The following ERC1 variants were observed in gnomAD, a reference collection of about 807,000 sequenced individuals.
ERC1 encodes the protein ELKS/RAB6-interacting/CAST family member 1.
In ERC1, 56 loss-of-function variants were observed where a neutral mutation model predicts 132.0. The observed-to-expected ratio is 0.42, with a 90% confidence interval of 0.34 to 0.53. The LOEUF (loss-of-function observed/expected upper bound fraction) is 0.53, where lower values mean the gene tolerates loss of function less well. Ranked by LOEUF, ERC1 falls within the 20% of genes least tolerant of loss-of-function variation. ERC1 has a pLI of 0.03. For missense variants in ERC1, 1,202 were observed against 1,349.9 expected (o/e 0.89, Z 1.72); for synonymous variants, 478 against 476.1 (o/e 1.00, Z -0.05).
chr12:1,451,286 A>G (rs937511611), intron 18 of ERC1, among the ~76,000 whole-genome samples: 13 of 152,064 alleles, frequency 8.5e-5, no homozygotes, highest in Non-Finnish European at 1.3e-4. Flanking sequence ...GTATGTCTGA[A>G]TTTCCATCTG....
rs760594250 is a variant in ERC1 at position 1,141,635 on chromosome 12, T to C, written c.1585T>C (p.Leu529=). The change falls in exon 8 of 19, where the codon TTG becomes CTG. Residue 529 remains leucine, a synonymous_variant. Transcript: ENST00000360905. The part of the protein sequence containing the change: ...ILQTEVDALR[L]RLEEKETMLN... The stretch of plus-strand genomic sequence containing the variant: ...ACATTCTTAGGTGGATGCTCTCCGA[T>C]TGCGTTTGGAAGAGAAGGAAACCAT... 4.6e-5 allele frequency: 74 copies of C among 1,610,320 alleles called. No individual in the cohort carries two copies. Among genetic ancestry groups the C allele is most frequent in the Non-Finnish European group, 5.9e-5 (69 of 1,178,238 alleles).
intron 17 of ERC1, chr12:1,410,493 T>C: frequency 1.0e-6 from 1 of 983,164 alleles, no homozygotes; most frequent in Non-Finnish European, 1.4e-6. Context: ...ATGGTTTTTG[T>C]TTGTTTTCAT....
chr12:1,280,383 C>T (rs920421567), intron 14 of ERC1, among the ~76,000 whole-genome samples: 1 of 152,112 alleles, frequency 6.6e-6, no homozygotes, highest in African/African-American at 2.4e-5. Context: ...TGTCCCAAGC[C>T]CTATTTGGAC....
intron 15 of ERC1, among the ~76,000 whole-genome samples, chr12:1,342,903 G>A (rs1408045092): frequency 6.6e-6 from 1 of 152,118 alleles, no homozygotes; most frequent in East Asian, 1.9e-4. Flanking sequence ...AGATCGTGCT[G>A]ACCCTGTAAT....
At chr12:1,013,075 G>T (rs575427000) in intron 1 of ERC1, among the ~76,000 whole-genome samples, 1 of 152,114 alleles carries the variant, frequency 6.6e-6, no homozygotes, top group Non-Finnish European at 1.5e-5. Flanking sequence ...AGAATTTGTT[G>T]AACTTTGTGT....
Position 1,024,155 on chromosome 12 carries a change from C to A in ERC1, c.-156-3593C>A, listed in dbSNP as rs546948068. 9.2e-5 allele frequency among the ~76,000 whole-genome samples: 14 copies of A among 152,238 alleles called. No individual in the cohort carries two copies. In the East Asian group the frequency reaches 2.7e-3, roughly 29 times the overall value. On this transcript the variant is annotated intron_variant, in intron 1 of 18. Transcript: ENST00000360905. ...CAGTACTTTGGGAGGCTGAGGCAGG[C>A]GAATCCGTTGGGCCCAGGAGTTCGA...
chr12:1,440,991 G>A (rs2093135439), intron 17 of ERC1, among the ~76,000 whole-genome samples: 1 of 151,766 alleles, frequency 6.6e-6, no homozygotes, highest in Non-Finnish European at 1.5e-5. Context: ...AAATTTTTCA[G>A]AATACCAGAT....
intron 12 of ERC1, among the ~76,000 whole-genome samples, chr12:1,208,847 A>G (rs971148668): frequency 3.3e-5 from 5 of 152,062 alleles, no homozygotes; most frequent in African/African-American, 1.2e-4. Context: ...CAGTGGCGCA[A>G]TCTCAGCTCA....
intron 16 of ERC1, among the ~76,000 whole-genome samples, chr12:1,393,732 A>G (rs2090190015): frequency 6.6e-6 from 1 of 150,922 alleles, no homozygotes; most frequent in African/African-American, 2.4e-5. Flanking sequence ...TATTTATGTG[A>G]TTATAAAAAG....
chr12:1,001,367 G>A (rs552996867), intron 1 of ERC1, among the ~76,000 whole-genome samples: 45 of 152,182 alleles, frequency 3.0e-4, no homozygotes, highest in Non-Finnish European at 5.6e-4. Flanking sequence ...CTTGAAGCCC[G>A]TCTTGAATGT....
chr12:1,463,562 G>T lies in ERC1; in HGVS notation c.3213+18812G>T, dbSNP rs745513032. ...TGAACTCTTGTCCAAAAAACCTAAG[G>T]GCAGCATAGTGTGAGAGACTGTGGG... On this transcript the variant is annotated intron_variant, in intron 18 of 18. Coordinates refer to ENST00000360905, the MANE Select transcript of ERC1 (RefSeq NM_178040.4). Among the ~76,000 whole-genome samples, 8 of 152,130 alleles carry T rather than the reference G, an allele frequency of 5.3e-5. 1 individual carries two copies. Among genetic ancestry groups the T allele is most frequent in the Middle Eastern group, 3.4e-3 (1 of 294 alleles).
chr12:1,247,636 G>A (rs2076233943), intron 13 of ERC1, among the ~76,000 whole-genome samples: 2 of 152,280 alleles, frequency 1.3e-5, no homozygotes, highest in East Asian at 3.9e-4. Flanking sequence ...CATTTTTCCT[G>A]AATTTAGGAA....
chr12:1,341,636 G>A (rs749090251), intron 15 of ERC1, among the ~76,000 whole-genome samples: 10 of 114,692 alleles, frequency 8.7e-5, no homozygotes, highest in Non-Finnish European at 1.3e-4. Context: ...ACAGGGAGGG[G>A]AATATCACAC....
intron 9 of ERC1, among the ~76,000 whole-genome samples, chr12:1,180,959 G>A (rs565839330): frequency 6.2e-4 from 94 of 152,030 alleles, no homozygotes; most frequent in Middle Eastern, 3.4e-3. Flanking sequence ...TTACAAGCAT[G>A]AGCCACCATG....
intron 7 of ERC1, among the ~76,000 whole-genome samples, chr12:1,137,100 C>CTTTTTTTTTTTTTTTTTTTTTTTTTTTTT (rs944757047): frequency 2.4e-5 from 3 of 122,898 alleles, no homozygotes; most frequent in African/African-American, 3.1e-5. Flanking sequence ...TTTTTCTTTT[C>CTTTTTTTTTTTTTTTTTTTTTTTTTTTTT]TTTTTTTTTT....
At chr12:1,326,032 C>T (rs2082423112) in intron 15 of ERC1, among the ~76,000 whole-genome samples, 1 of 152,128 alleles carries the variant, frequency 6.6e-6, no homozygotes, top group African/African-American at 2.4e-5. Context: ...GATTCAAAAA[C>T]TTCTTGTTCC....
At chr12:1,039,113 G>T (rs1016551316) in intron 2 of ERC1, among the ~76,000 whole-genome samples, 2 of 151,972 alleles carry the variant, frequency 1.3e-5, no homozygotes, top group Non-Finnish European at 2.9e-5. Flanking sequence ...GAGGCTGGCG[G>T]ATCACGAGGT....
chr12:1,108,764 A>T (rs1945528765), intron 4 of ERC1, among the ~76,000 whole-genome samples: 1 of 152,196 alleles, frequency 6.6e-6, no homozygotes, highest in Admixed American at 6.5e-5. Context: ...TTTAAGTTTA[A>T]TTTGAATGAA....
intron 1 of ERC1, among the ~76,000 whole-genome samples, chr12:994,066 C>CAAAAAAAAAAAAAAAAAA (rs72073964): frequency 1.6e-5 from 1 of 64,208 alleles, no homozygotes; most frequent in Non-Finnish European, 3.0e-5. Flanking sequence ...AACTCCGTCT[C>CAAAAAAAAAAAAAAAAAA]AAAAAAAAAA....
Sources: allele counts gnomAD v4.1 joint callset (sites outside exome capture counted in the v4.1 genomes callset), GRCh38; gene constraint gnomAD v4.1.1; transcripts MANE v1.5; gene names NCBI Gene and HGNC (gene_info 2026-07-23, HGNC 2026-07-21).